Variants in PDXK observed in about 807,000 individuals in gnomAD.
The protein encoded by PDXK is pyridoxal kinase, also known as epididymis secretory sperm binding protein Li 1a.
Under a neutral mutation model 43.2 loss-of-function variants are expected in PDXK, and 15 were observed. The observed-to-expected ratio is 0.35, with a 90% confidence interval of 0.23 to 0.53. The LOEUF is 0.53. Ranked by LOEUF, PDXK falls within the 20% of genes least tolerant of loss-of-function variation. The probability of loss-of-function intolerance (pLI) is 0.92; values close to 1 mark genes in which losing one functional copy is unlikely to be tolerated. For missense variants in PDXK, 343 were observed against 417.0 expected, an observed-to-expected ratio of 0.82 and a Z score of 1.54; for synonymous variants, 172 against 165.4, an observed-to-expected ratio of 1.04 and a Z score of -0.31.
intron 1 of PDXK, chr21:43,729,048 C>A: frequency 2.0e-6 from 2 of 983,564 alleles, no homozygotes; most frequent in Non-Finnish European, 2.4e-6. Flanking sequence ...ATGAGCGGGG[C>A]AAAGCCCAGC....
Position 43,755,681 on chromosome 21 carries a change from G to A in PDXK, c.760-17G>A, listed in dbSNP as rs768481936. On this transcript the variant is annotated splice_polypyrimidine_tract_variant and intron_variant, in intron 9 of 10. Coordinates refer to ENST00000291565, the MANE Select transcript of PDXK (RefSeq NM_003681.5). ...TGTGAGTGGGCCAGGGGCACAGCAA[G>A]TCTGTCCTCCCTGCAGGTGGCCTGT... The A allele has an allele frequency of 4.2e-5, 68 of 1,608,366 alleles. No individual in the cohort carries two copies. The South Asian group carries it at 6.8e-4, about 16-fold the overall frequency.
chr21:43,727,683 C>T (rs11089094), intron 1 of PDXK, among the ~76,000 whole-genome samples: 82,706 of 152,078 alleles, frequency 0.54, 23,433 homozygotes, highest in East Asian at 0.75. Flanking sequence ...GAGCGAGTTC[C>T]AAGGGGTGGG....
rs1220930314 is a variant in PDXK, at chr21:43,760,213, G to A, written c.*4150G>A. Reference sequence around the variant, plus strand: ...TTTTTTTGAGGTGAAGTCTCGCTCTGACACCCAGGCTGGCGTGCAGTGGTG... The same window carrying A: ...TTTTTTTGAGGTGAAGTCTCGCTCTAACACCCAGGCTGGCGTGCAGTGGTG... On this transcript the variant is annotated 3_prime_UTR_variant, in exon 11 of 11. Transcript: ENST00000291565. 1 of 150,202 alleles carries A rather than the reference G, an allele frequency of 6.7e-6. No individual in the cohort carries two copies. Among genetic ancestry groups the A allele is most frequent in the African/African-American group, 2.5e-5 (1 of 40,810 alleles). The allele number at this position is 150,202 out of a possible 1,614,324, so 9.3% of individuals were successfully genotyped here. A position where few individuals can be genotyped will look rare whatever the true frequency, so the allele number is the denominator to read the frequency against.
At chr21:43,750,785 T>G (rs1601830958) in intron 7 of PDXK, among the ~76,000 whole-genome samples, 1 of 130,014 alleles carries the variant, frequency 7.7e-6, no homozygotes, top group South Asian at 2.3e-4. Flanking sequence ...TGTGTGTGGG[T>G]GTGTGTGTGG....
intron 7 of PDXK, among the ~76,000 whole-genome samples, chr21:43,751,992 C>T (rs557191827): frequency 2.0e-5 from 3 of 152,200 alleles, no homozygotes; most frequent in African/African-American, 4.8e-5. Context: ...TCCTCCCACT[C>T]GGAGGCCTTT....
At chr21:43,744,337 TGA>T in intron 4 of PDXK, 1 of 158,208 alleles carries the variant, frequency 6.3e-6, no homozygotes, top group Admixed American at 6.1e-5. Context: ...GGATCCATCT[TGA>T]CGCCTGGCAG....
In PDXK at chr21:43,735,264, T is replaced by C. The variant is rs2083383909; in HGVS notation, c.142+1141T>C. 6.6e-6 allele frequency among the ~76,000 whole-genome samples: 1 copy of C among 152,238 alleles called. No individual in the cohort carries two copies. Among genetic ancestry groups the C allele is most frequent in the Non-Finnish European group, 1.5e-5 (1 of 68,034 alleles). Reference sequence around the variant, plus strand: ...TCTCGCCATCCTCCTTTAGGATTTATTTTTCAGTGAGTGAGCTGGCCGGCT... The same window carrying C: ...TCTCGCCATCCTCCTTTAGGATTTACTTTTCAGTGAGTGAGCTGGCCGGCT... On this transcript the variant is annotated intron_variant, in intron 2 of 10. Transcript: ENST00000291565. This position sits in a 1 kb window ranked among gnomAD's most constrained non-coding sequence, Gnocchi z 5.3.
At chr21:43,744,642 T>A (rs200012429) in intron 4 of PDXK, 1 of 152,240 alleles carries the variant, frequency 6.6e-6, no homozygotes, top group Non-Finnish European at 1.5e-5. Flanking sequence ...TGAGCGAGGA[T>A]GCAGAAACCC....
At chr21:43,751,641 C>G (rs1196062512) in intron 7 of PDXK, among the ~76,000 whole-genome samples, 2 of 152,322 alleles carry the variant, frequency 1.3e-5, no homozygotes, top group East Asian at 3.9e-4. Flanking sequence ...CTGGCAGGCT[C>G]AGGGTCTGGC....
chr21:43,740,684 G>A (rs1246489265), intron 2 of PDXK, among the ~76,000 whole-genome samples: 2 of 151,882 alleles, frequency 1.3e-5, no homozygotes, highest in South Asian at 2.1e-4. Context: ...ACATTGATAT[G>A]CCTGTCTGCC....
In PDXK at chr21:43,737,796, C is replaced by T; in HGVS notation, c.142+3673C>T. ...GCTGGGATCTGACAGGAGTGCCAGGCTCCTTGGGCCGCCCGAGGAACCGCT... is the reference window on the plus strand; with the variant it reads ...GCTGGGATCTGACAGGAGTGCCAGGTTCCTTGGGCCGCCCGAGGAACCGCT... On this transcript the variant is annotated intron_variant, in intron 2 of 10. Transcript: ENST00000291565. This position sits in a 1 kb window ranked among gnomAD's most constrained non-coding sequence, Gnocchi z 4.8. 5 of 985,490 alleles carry T rather than the reference C, an allele frequency of 5.1e-6. No individual in the cohort carries two copies. Among genetic ancestry groups the T allele is most frequent in the Non-Finnish European group, 6.0e-6 (5 of 829,948 alleles). 61.0% of individuals were successfully genotyped at this position (985,490 alleles called of 1,614,324 possible).
rs1023367968 is a variant in PDXK, at chr21:43,737,814, G to A, written c.142+3691G>A. 5 of 985,414 alleles carry A rather than the reference G, an allele frequency of 5.1e-6. No homozygotes were observed. Among genetic ancestry groups the A allele is most frequent in the Non-Finnish European group, 4.8e-6 (4 of 829,968 alleles). The allele number at this position is 985,414 out of a possible 1,614,324, so 61.0% of individuals were successfully genotyped here. On this transcript the variant is annotated intron_variant, in intron 2 of 10. Coordinates refer to ENST00000291565, the MANE Select transcript of PDXK (RefSeq NM_003681.5). The surrounding 1 kb of genome is among the most constrained non-coding windows in gnomAD (Gnocchi z 4.8). Reference sequence around the variant, plus strand: ...TGCCAGGCTCCTTGGGCCGCCCGAGGAACCGCTTGTTTGCCTGTGCTTTTT... The same window carrying A: ...TGCCAGGCTCCTTGGGCCGCCCGAGAAACCGCTTGTTTGCCTGTGCTTTTT...
intron 1 of PDXK, chr21:43,728,589 GTGTCTGGCTGTC>G (rs1364618243): frequency 2.8e-5 from 11 of 394,244 alleles, no homozygotes; most frequent in Non-Finnish European, 3.8e-5. Flanking sequence ...CGCTCACGTA[GTGTCTGGCTGTC>G]TGCCTGTCTG....
chr21:43,720,608 G>T (rs1490669827), intron 1 of PDXK, among the ~76,000 whole-genome samples: 3 of 152,168 alleles, frequency 2.0e-5, no homozygotes, highest in African/African-American at 7.2e-5. Context: ...CCCTGCCTGG[G>T]ACAGTCAGGG....
At chr21:43,745,218 G>A (rs1354232169) in intron 4 of PDXK, among the ~76,000 whole-genome samples, 3 of 152,146 alleles carry the variant, frequency 2.0e-5, no homozygotes, top group African/African-American at 7.2e-5. Context: ...TCAGGTGTTC[G>A]AGATCAGCCT....
intron 7 of PDXK, 102 bp downstream of exon 7, chr21:43,750,647 C>A: frequency 1.1e-6 from 1 of 875,102 alleles, no homozygotes; most frequent in Non-Finnish European, 1.8e-6. Context: ...TTCTCCCCAG[C>A]AGTGACTGAA....
At chr21:43,727,652 AG>A (rs942893831) in intron 1 of PDXK, among the ~76,000 whole-genome samples, 4 of 152,192 alleles carry the variant, frequency 2.6e-5, no homozygotes, top group African/African-American at 9.6e-5. Flanking sequence ...GCTGACCCCA[AG>A]GGCCAGTTGC....
At chr21:43,733,161 C>T (rs912907214) in intron 1 of PDXK, among the ~76,000 whole-genome samples, 3 of 152,036 alleles carry the variant, frequency 2.0e-5, no homozygotes, top group Non-Finnish European at 4.4e-5. Context: ...AAATACAAAT[C>T]GTAAGCAGAT....
chr21:43,726,040 G>A (rs2083250014), intron 1 of PDXK, among the ~76,000 whole-genome samples: 1 of 143,282 alleles, frequency 7.0e-6, no homozygotes, highest in Admixed American at 7.0e-5. Flanking sequence ...CTCTCTCTCT[G>A]GCCTCTGCCA....
Sources: allele counts gnomAD v4.1 joint callset (sites outside exome capture counted in the v4.1 genomes callset), GRCh38; gene constraint gnomAD v4.1.1; non-coding constraint Gnocchi (gnomAD v3.1); transcripts MANE v1.5; gene names NCBI Gene and HGNC (gene_info 2026-07-23, HGNC 2026-07-21).